Variants in LEPROTL1 observed in about 807,000 individuals in gnomAD.
LEPROTL1 encodes the protein leptin receptor overlapping transcript like 1, also known as leptin receptor overlapping transcript-like 1.
LEPROTL1 carries 6 observed loss-of-function variants against 15.4 expected under a neutral mutation model. That is an observed-to-expected ratio of 0.39 (90% CI 0.21 to 0.77). The LOEUF is 0.77. Ranked by LOEUF, LEPROTL1 falls within the 30% of genes least tolerant of loss-of-function variation. The probability of loss-of-function intolerance (pLI) is 0.41; values close to 1 mark genes in which losing one functional copy is unlikely to be tolerated. For synonymous variants in LEPROTL1, 56 were observed against 52.6 expected, an observed-to-expected ratio of 1.06 and a Z score of -0.28; for missense variants, 128 against 158.1, an observed-to-expected ratio of 0.81 and a Z score of 1.02.
intron 3 of LEPROTL1, among the ~76,000 whole-genome samples, chr8:30,122,619 C>T (rs769555403): frequency 1.3e-4 from 20 of 152,108 alleles, no homozygotes; most frequent in African/African-American, 4.3e-4. Flanking sequence ...GGTGAAACTC[C>T]GTCTCTACTT....
chr8:30,095,757 G>A (rs1000556957), intron 1 of LEPROTL1: 15 of 696,752 alleles, frequency 2.2e-5, no homozygotes, highest in Non-Finnish European at 3.4e-5. Flanking sequence ...CCCACTTTCT[G>A]CCGATTTCGG....
At position 30,106,074 on chromosome 8, in the gene LEPROTL1, A is replaced by G. The variant is rs1802561110; in HGVS notation, c.*212A>G. On this transcript the variant is annotated 3_prime_UTR_variant, in exon 4 of 4. Coordinates refer to ENST00000321250, the MANE Select transcript of LEPROTL1 (RefSeq NM_015344.3). ...TTTCTCTTTTGGAAAAGCTTGACTG[A>G]TTTCACACTTATCTATAGTATGCTT... The G allele has an allele frequency of 7.3e-6, 8 of 1,094,522 alleles. No homozygotes were observed. The South Asian group carries it at 2.9e-4, about 40-fold the overall frequency. The allele number at this position is 1,094,522 out of a possible 1,614,324, so 67.8% of individuals were successfully genotyped here. A position where few individuals can be genotyped will look rare whatever the true frequency, so the allele number is the denominator to read the frequency against.
At chr8:30,114,726 T>C (rs915575351) in intron 3 of LEPROTL1, among the ~76,000 whole-genome samples, 8 of 152,244 alleles carry the variant, frequency 5.3e-5, no homozygotes, top group Non-Finnish European at 7.3e-5. Context: ...ATCTCAGGGC[T>C]AACAACAAAG....
rs1292742212 is a variant in LEPROTL1, at chr8:30,120,083, AAATAAAT to A, written c.280-12289_280-12283del. ...TCCATCAATAAATAAATAAATAAAT[AAATAAAT>A]AAATAAATAAATAAATGTATGTTTT... On this transcript the variant is annotated intron_variant, in intron 3 of 4. Coordinates refer to the LEPROTL1 transcript ENST00000442880. Among the ~76,000 whole-genome samples, 5 of 13,562 alleles carry A rather than the reference AAATAAAT, an allele frequency of 3.7e-4. No individual in the cohort carries two copies. In the Non-Finnish European group the frequency reaches 4.0e-3, roughly 11 times the overall value. 8.9% of individuals were successfully genotyped at this position (13,562 alleles called of 152,430 possible). A position where few individuals can be genotyped will look rare whatever the true frequency, so the allele number is the denominator to read the frequency against.
exon 5 of LEPROTL1, chr8:30,137,273 T>C: frequency 1.3e-6 from 2 of 1,551,212 alleles, no homozygotes; most frequent in Non-Finnish European, 1.7e-6. Flanking sequence ...GTTTTCTAGA[T>C]GGGGCGCCTA....
chr8:30,106,922 T>A lies in LEPROTL1; in HGVS notation c.*1060T>A, dbSNP rs1802577244. ...TAGAAGTGTTTACTTACCTGGAAAA[T>A]AATTGCTATGCCGTACATTCAGAGT... is the stretch of plus-strand genomic sequence containing the variant. On this transcript the variant is annotated 3_prime_UTR_variant, in exon 4 of 4. Transcript: ENST00000321250. 1.0e-6 allele frequency: 1 copy of A among 985,278 alleles called. No individual in the cohort carries two copies. Among genetic ancestry groups the A allele is most frequent in the African/African-American group, 1.7e-5 (1 of 57,210 alleles). 61.0% of individuals were successfully genotyped at this position (985,278 alleles called of 1,614,324 possible). A position where few individuals can be genotyped will look rare whatever the true frequency, so the allele number is the denominator to read the frequency against.
At chr8:30,099,558 C>T (rs960778594) in intron 1 of LEPROTL1, among the ~76,000 whole-genome samples, 3 of 140,644 alleles carry the variant, frequency 2.1e-5, no homozygotes, top group East Asian at 2.1e-4. Flanking sequence ...GTCAAGATCG[C>T]GCCACTGCAC....
At chr8:30,120,482 TA>T (rs1378645885) in intron 3 of LEPROTL1, among the ~76,000 whole-genome samples, 1 of 31,896 alleles carries the variant, frequency 3.1e-5, no homozygotes, top group African/African-American at 4.6e-5. Context: ...TATATGTATA[TA>T]TTTTTTTAAC....
chr8:30,097,314 A>C (rs1418596410), intron 1 of LEPROTL1, among the ~76,000 whole-genome samples: 2 of 129,154 alleles, frequency 1.5e-5, no homozygotes, highest in Non-Finnish European at 3.4e-5. Flanking sequence ...CTAATTGGCT[A>C]CCTTATTCGG....
intron 2 of LEPROTL1, among the ~76,000 whole-genome samples, chr8:30,102,342 AG>A (rs1299038276): frequency 7.4e-6 from 1 of 134,678 alleles, no homozygotes; most frequent in Non-Finnish European, 1.6e-5. Flanking sequence ...TTAAAAAAAA[AG>A]AGAGAGATGT....
intron 3 of LEPROTL1, among the ~76,000 whole-genome samples, chr8:30,121,443 GGGTTTTC>G (rs1218416859): frequency 6.6e-6 from 1 of 151,938 alleles, no homozygotes; most frequent in African/African-American, 2.4e-5. Context: ...CAGTCGAGAT[GGGTTTTC>G]GCCATGTTGG....
At chr8:30,132,049 C>G in intron 3 of LEPROTL1, 1 of 1,551,798 alleles carries the variant, frequency 6.4e-7, no homozygotes, top group Admixed American at 2.0e-5. Flanking sequence ...AGAGGAGAGA[C>G]TCCTGACCTC....
At chr8:30,113,799 C>T (rs562952723) in intron 3 of LEPROTL1, among the ~76,000 whole-genome samples, 1 of 152,290 alleles carries the variant, frequency 6.6e-6, no homozygotes, top group Non-Finnish European at 1.5e-5. Context: ...GCTGGCCGTC[C>T]AGCCAGGGGG....
chr8:30,133,788 C>CAAAAAAA (rs11430475), intron 4 of LEPROTL1, among the ~76,000 whole-genome samples: 1 of 123,042 alleles, frequency 8.1e-6, no homozygotes, highest in South Asian at 2.7e-4. Context: ...GACCCTGTCT[C>CAAAAAAA]AAAAAAAAAA....
exon 5 of LEPROTL1, chr8:30,137,486 C>A (rs1803174926): frequency 8.4e-6 from 13 of 1,551,376 alleles, no homozygotes; most frequent in Non-Finnish European, 1.1e-5. Flanking sequence ...CTTTGCCCTC[C>A]CTCTCAGGCA....
chr8:30,106,963 A>T lies in LEPROTL1; in HGVS notation c.*1101A>T, dbSNP rs1219138124. 1.0e-6 allele frequency: 1 copy of T among 985,622 alleles called. No individual in the cohort carries two copies. The highest frequency in any genetic ancestry group is 1.2e-6 in the Non-Finnish European group (1 of 829,888). The allele number at this position is 985,622 out of a possible 1,614,324, so 61.1% of individuals were successfully genotyped here. A position where few individuals can be genotyped will look rare whatever the true frequency, so the allele number is the denominator to read the frequency against. ...CATTCAGAGTGCCCCCTCCCCTGCA[A>T]GGCCTTGCCATGATTAACAAGTAAC... On this transcript the variant is annotated 3_prime_UTR_variant, in exon 4 of 4. Coordinates refer to ENST00000321250, the MANE Select transcript of LEPROTL1 (RefSeq NM_015344.3).
intron 3 of LEPROTL1, chr8:30,117,580 T>C: frequency 7.1e-7 from 1 of 1,411,714 alleles, no homozygotes; most frequent in Admixed American, 1.7e-5. Context: ...AGCCTGTCTG[T>C]GAGGTTCACA....
chr8:30,131,306 G>GTGTGTGTATA (rs71206233), intron 3 of LEPROTL1, among the ~76,000 whole-genome samples: 2 of 141,398 alleles, frequency 1.4e-5, no homozygotes, highest in Non-Finnish European at 3.0e-5. Flanking sequence ...ATGTGTGTGT[G>GTGTGTGTATA]TATATATATA....
At chr8:30,116,539 G>T (rs778365645) in intron 3 of LEPROTL1, among the ~76,000 whole-genome samples, 59 of 152,142 alleles carry the variant, frequency 3.9e-4, no homozygotes, top group Non-Finnish European at 7.9e-4. Flanking sequence ...AGGAGGTGGA[G>T]CTCAGGTAGT....
Sources: allele counts gnomAD v4.1 joint callset (sites outside exome capture counted in the v4.1 genomes callset), GRCh38; gene constraint gnomAD v4.1.1; transcripts MANE v1.5; gene names NCBI Gene and HGNC (gene_info 2026-07-23, HGNC 2026-07-21).